Variants in XPNPEP3 observed in about 807,000 individuals in gnomAD.
The protein encoded by XPNPEP3 is xaa-Pro aminopeptidase 3.
In XPNPEP3, 41 loss-of-function variants were observed where a neutral mutation model predicts 60.0. The observed-to-expected ratio is 0.68, with a 90% confidence interval of 0.53 to 0.89. The LOEUF is 0.89. Among genes scored for constraint, XPNPEP3 ranks in the 40% least tolerant of loss-of-function variants. XPNPEP3 has a pLI of 0.00. For missense variants in XPNPEP3, 598 were observed against 638.9 expected (o/e 0.94, Z 0.69); for synonymous variants, 212 against 223.2 (o/e 0.95, Z 0.45).
chr22:40,895,961 T>A (rs191222112), intron 4 of XPNPEP3, among the ~76,000 whole-genome samples: 12 of 152,300 alleles, frequency 7.9e-5, no homozygotes, highest in Non-Finnish European at 1.6e-4. Flanking sequence ...GTTGGGATTA[T>A]GAGATCCTGG....
chr22:40,906,209 G>T (rs1457222051), intron 4 of XPNPEP3, among the ~76,000 whole-genome samples: 2 of 151,996 alleles, frequency 1.3e-5, no homozygotes, highest in African/African-American at 4.8e-5. Flanking sequence ...CTGAAGTGCT[G>T]GGTTACAGGT....
intron 4 of XPNPEP3, among the ~76,000 whole-genome samples, chr22:40,888,679 T>C (rs1686276372): frequency 6.6e-6 from 1 of 151,950 alleles, no homozygotes; most frequent in South Asian, 2.1e-4. Flanking sequence ...GCTGTAAACA[T>C]AAGTGTACAA....
intron 2 of XPNPEP3, among the ~76,000 whole-genome samples, chr22:40,877,607 T>TCCC (rs1479186091): frequency 1.3e-5 from 2 of 152,218 alleles, no homozygotes; most frequent in Non-Finnish European, 2.9e-5. Context: ...CTTTGCAGAG[T>TCCC]CCAGCTTCCA....
At chr22:40,922,983 G>C (rs1048072632) in intron 8 of XPNPEP3, among the ~76,000 whole-genome samples, 1 of 152,052 alleles carries the variant, frequency 6.6e-6, no homozygotes, top group African/African-American at 2.4e-5. Context: ...GTCTGGTGCC[G>C]ACAGGGTGAA....
chr22:40,923,116 G>C (rs1214266135), intron 8 of XPNPEP3, among the ~76,000 whole-genome samples: 5 of 151,964 alleles, frequency 3.3e-5, no homozygotes, highest in Non-Finnish European at 7.4e-5. Context: ...GGGAGGTTGA[G>C]GTGGGAGGAT....
intron 1 of XPNPEP3, among the ~76,000 whole-genome samples, chr22:40,865,527 C>T (rs2057974119): frequency 6.6e-6 from 1 of 151,892 alleles, no homozygotes; most frequent in South Asian, 2.1e-4. Flanking sequence ...AGGGTTTCTC[C>T]ATGTTGGTCA....
At chr22:40,880,464 T>C (rs1440597382) in intron 2 of XPNPEP3, among the ~76,000 whole-genome samples, 2 of 150,750 alleles carry the variant, frequency 1.3e-5, no homozygotes, top group Non-Finnish European at 2.9e-5. Flanking sequence ...TGTATGATTT[T>C]GTGAGAGTTG....
intron 1 of XPNPEP3, chr22:40,861,051 T>G: frequency 6.4e-7 from 1 of 1,565,732 alleles, no homozygotes; most frequent in Non-Finnish European, 8.6e-7. Flanking sequence ...ATGTTATATA[T>G]TTGAAGAGTC....
At chr22:40,869,731 T>C (rs896379998) in intron 2 of XPNPEP3, among the ~76,000 whole-genome samples, 1 of 152,220 alleles carries the variant, frequency 6.6e-6, no homozygotes, top group Non-Finnish European at 1.5e-5. Context: ...AGATGTCTTA[T>C]AACTATTGCT....
Position 40,914,223 on chromosome 22 carries a change from TCTTA to T in XPNPEP3, c.970-12_970-9del, listed in dbSNP as rs2058187093. 6.2e-7 allele frequency: 1 copy of T among 1,609,438 alleles called. No individual in the cohort carries two copies. Among genetic ancestry groups the T allele is most frequent in the African/African-American group, 1.3e-5 (1 of 74,750 alleles). On this transcript the variant is annotated splice_polypyrimidine_tract_variant and intron_variant, in intron 6 of 9. Transcript: ENST00000357137. ...TCATGAGCTTATCCACTTTAACCTG[TCTTA>T]CTTTGTTCCAGGATGGGGAAATGGT...
chr22:40,902,626 G>A (rs749283861), intron 4 of XPNPEP3, among the ~76,000 whole-genome samples: 7 of 151,882 alleles, frequency 4.6e-5, no homozygotes, highest in Admixed American at 1.3e-4. Context: ...CTCGTGATCC[G>A]CCTGCCTCGG....
At chr22:40,917,998 G>T (rs9607756) in intron 7 of XPNPEP3, among the ~76,000 whole-genome samples, 4,918 of 140,580 alleles carry the variant, frequency 0.035, 110 homozygotes, top group Non-Finnish European at 0.055. Context: ...GCAGCAGAGT[G>T]AGACTCTGTC....
At position 40,898,225 on chromosome 22, in the gene XPNPEP3, A is replaced by ATTTTTTTTT. The variant is rs71200626; in HGVS notation, c.793-9331_793-9323dup. Among the ~76,000 whole-genome samples the ATTTTTTTTT allele has an allele frequency of 2.4e-4, 7 of 28,784 alleles. 1 individual carries two copies. Among genetic ancestry groups the ATTTTTTTTT allele is most frequent in the East Asian group, 2.2e-3 (2 of 918 alleles). The allele number at this position is 28,784 out of a possible 152,430, so 18.9% of individuals were successfully genotyped here. On this transcript the variant is annotated intron_variant, in intron 4 of 9. Transcript: ENST00000357137. ...TGTTTTATGTTTAGGTCTTTGACCCATTTTTTTTTTTTTTTTTTTTTTTTT... is the reference window on the plus strand; with the variant it reads ...TGTTTTATGTTTAGGTCTTTGACCCATTTTTTTTTTTTTTTTTTTTTTTTTTTTTTTTTT...
rs773008253 is a variant in XPNPEP3, at chr22:40,924,363, C to G, written c.1238C>G (p.Ala413Gly). Residue 413 changes from alanine (A) to glycine (G), a missense_variant and splice_region_variant, in exon 9 of 10, where the codon GCT (alanine) becomes GGT (glycine). Physicochemically the swap from Ala to Gly is moderately conservative, Grantham distance 60 (BLOSUM62 0). Coordinates refer to ENST00000357137, the MANE Select transcript of XPNPEP3 (RefSeq NM_022098.4). The part of the protein sequence containing the change: ...KNIKENNAFK[A>G]ARKYCPHHVG... Reference sequence around the variant, plus strand: ...TACTGTGACAATTATCTTTTCCAGGCTGCTCGAAAATACTGTCCTCATCAT... The same window carrying G: ...TACTGTGACAATTATCTTTTCCAGGGTGCTCGAAAATACTGTCCTCATCAT... 6 of 1,614,018 alleles carry G rather than the reference C, an allele frequency of 3.7e-6. No homozygotes were observed. In the African/African-American group the frequency reaches 6.7e-5, roughly 18 times the overall value.
At chr22:40,857,690 C>G (rs1170595719) in intron 1 of XPNPEP3, among the ~76,000 whole-genome samples, 1 of 152,180 alleles carries the variant, frequency 6.6e-6, no homozygotes, top group Non-Finnish European at 1.5e-5. Context: ...ACTTCTGGGG[C>G]GTTCTGTGTC....
intron 4 of XPNPEP3, among the ~76,000 whole-genome samples, chr22:40,892,553 C>T (rs1370688757): frequency 2.0e-5 from 3 of 152,204 alleles, no homozygotes; most frequent in Admixed American, 1.3e-4. Context: ...TGCTCCTAGC[C>T]TGGCTCCTAA....
rs1237821829 is a variant in XPNPEP3, at chr22:40,926,406, A to G, written c.1495A>G (p.Ile499Val). Residue 499 changes from isoleucine to valine, a missense_variant, in exon 10 of 10, where the codon ATT becomes GTT. Physicochemically the swap from Ile to Val is conservative, Grantham distance 29. Transcript: ENST00000357137. Reference protein sequence around the residue: ...SADCPKEMNDIEQICSQAS With the variant: ...SADCPKEMNDVEQICSQAS Reference sequence around the variant, plus strand: ...AGACTGTCCCAAAGAGATGAATGACATTGAACAGATATGCAGCCAGGCTTC... The same window carrying G: ...AGACTGTCCCAAAGAGATGAATGACGTTGAACAGATATGCAGCCAGGCTTC... The G allele has an allele frequency of 1.2e-6, 2 of 1,614,036 alleles. No individual in the cohort carries two copies. Among genetic ancestry groups the G allele is most frequent in the Non-Finnish European group, 1.7e-6 (2 of 1,180,046 alleles).
At chr22:40,882,700 C>T (rs755284733) in intron 3 of XPNPEP3, among the ~76,000 whole-genome samples, 34 of 151,656 alleles carry the variant, frequency 2.2e-4, no homozygotes, top group Non-Finnish European at 4.3e-4. Context: ...GCTAAGATCC[C>T]GCCACTGCAC....
chr22:40,928,152 T>C lies in XPNPEP3; in HGVS notation c.*1717T>C, dbSNP rs2058241892. On this transcript the variant is annotated 3_prime_UTR_variant, in exon 10 of 10. Transcript: ENST00000357137. The stretch of plus-strand genomic sequence containing the variant: ...ACCCGTAAATATCCTATGATTCTTA[T>C]CTTTCTTTGATACTAGCACTGGGAG... The C allele has an allele frequency of 1.3e-5, 2 of 151,716 alleles. No homozygotes were observed. Among genetic ancestry groups the C allele is most frequent in the South Asian group, 4.2e-4 (2 of 4,818 alleles). The allele number at this position is 151,716 out of a possible 1,614,324, so 9.4% of individuals were successfully genotyped here.
Sources: allele counts gnomAD v4.1 joint callset (sites outside exome capture counted in the v4.1 genomes callset), GRCh38; gene constraint gnomAD v4.1.1; transcripts MANE v1.5; gene names NCBI Gene and HGNC (gene_info 2026-07-23, HGNC 2026-07-21).